Variants in CYP17A1 observed in about 807,000 individuals in gnomAD.
CYP17A1 encodes the protein cytochrome P450 family 17 subfamily A member 1, also known as steroid 17-alpha-hydroxylase/17,20 lyase.
A neutral mutation model predicts 38.5 loss-of-function variants in CYP17A1; 27 were observed. The observed-to-expected ratio is 0.70, with a 90% CI of 0.52 to 0.97. CYP17A1 has a LOEUF of 0.97. Among genes scored for constraint, CYP17A1 ranks in the 50% least tolerant of loss-of-function variants. The pLI is 0.00. For missense variants in CYP17A1, 549 were observed against 645.9 expected (o/e 0.85, Z 1.63); for synonymous variants, 263 against 253.3 (o/e 1.04, Z -0.36).
At position 102,831,614 on chromosome 10, in the gene CYP17A1, G is replaced by T. The variant is rs1844090485; in HGVS notation, c.1140-3C>A. ...TGTCCACAGCAAACTCACCGATGCT[G>T]CTCCAGAGTGGAAGAGGAAAAGTGG... On this transcript the variant is annotated splice_polypyrimidine_tract_variant and splice_region_variant and intron_variant, in intron 6 of 7. Transcript: ENST00000369887. 1.2e-6 allele frequency: 2 copies of T among 1,613,450 alleles called. No homozygotes were observed. Among genetic ancestry groups the T allele is most frequent in the Non-Finnish European group, 1.7e-6 (2 of 1,180,018 alleles).
chr10:102,834,738 A>G lies in CYP17A1; in HGVS notation c.666+47T>C, dbSNP rs1260225639. On this transcript the variant is annotated intron_variant, in intron 3 of 7. Coordinates refer to ENST00000369887, the MANE Select transcript of CYP17A1 (RefSeq NM_000102.4). The stretch of plus-strand genomic sequence containing the variant: ...TAAAAAGGAAGGAAGATTGGGGACA[A>G]TGTCAGGGTCTACTAGAACCTGAAG... The G allele has an allele frequency of 1.9e-6, 3 of 1,613,664 alleles. No homozygotes were observed. In the African/African-American group the frequency reaches 4.0e-5, roughly 22 times the overall value.
At chr10:102,835,760 G>T (rs1010924837) in intron 1 of CYP17A1, among the ~76,000 whole-genome samples, 1 of 152,200 alleles carries the variant, frequency 6.6e-6, no homozygotes, top group African/African-American at 2.4e-5. Flanking sequence ...AACTATGCCT[G>T]TCCAGAGGGT....
intron 3 of CYP17A1, 176 bp from the exon 4 acceptor site, chr10:102,834,298 A>G (rs1844129856): frequency 3.1e-6 from 2 of 635,380 alleles, no homozygotes; most frequent in Non-Finnish European, 5.8e-6. Context: ...TATCATGACG[A>G]CGAAGACAAT....
Position 102,830,794 on chromosome 10 carries a change from T to C in CYP17A1, c.1435A>G (p.Ile479Val). Residue 479 changes from isoleucine to valine, a missense_variant, in exon 8 of 8, where the codon ATC (isoleucine) becomes GTC (valine). Physicochemically the swap from Ile to Val is conservative, Grantham distance 29 (BLOSUM62 3). Coordinates refer to ENST00000369887, the MANE Select transcript of CYP17A1 (RefSeq NM_000102.4). The surrounding 1 kb of genome is among the most constrained non-coding windows in gnomAD (Gnocchi z 4.1). ...DDGQLPSLEG[I>V]PKVVFLIDSF... ...TCGATCAGAAAGACCACCTTGGGGA[T>C]GCCTTCCAGGGAGGGCAGCTGCCCA... The C allele has an allele frequency of 1.9e-6, 3 of 1,595,992 alleles. No individual in the cohort carries two copies. Among genetic ancestry groups the C allele is most frequent in the Non-Finnish European group, 1.7e-6 (2 of 1,166,376 alleles).
chr10:102,831,981 G>C (rs1844096211), intron 6 of CYP17A1, among the ~76,000 whole-genome samples: 1 of 152,194 alleles, frequency 6.6e-6, no homozygotes, highest in Admixed American at 6.5e-5. Context: ...CCTCTGGGAA[G>C]TCAGGCAGAT....
Position 102,832,403 on chromosome 10 carries a change from C to T in CYP17A1, c.1139+108G>A, listed in dbSNP as rs1184163327. ...ATGATTTTTAGTAGTTGATGGTTGA[C>T]TGACTTTAGGTTGGCCAGCAGGGGC... On this transcript the variant is annotated intron_variant, in intron 6 of 7. Transcript: ENST00000369887. The T allele has an allele frequency of 3.8e-6, 3 of 785,876 alleles. No homozygotes were observed. In the East Asian group the frequency reaches 7.3e-5, roughly 19 times the overall value. 48.7% of individuals were successfully genotyped at this position (785,876 alleles called of 1,614,324 possible).
At chr10:102,831,783 T>G in intron 6 of CYP17A1, 172 bp from the exon 7 acceptor site, 1 of 1,214,340 alleles carries the variant, frequency 8.2e-7, no homozygotes, top group Non-Finnish European at 1.2e-6. Flanking sequence ...CCAGCCCTTC[T>G]CCATCCCTTC....
Position 102,837,295 on chromosome 10 carries a change from G to A in CYP17A1, c.67C>T (p.Pro23Ser). 6.2e-7 allele frequency: 1 copy of A among 1,608,922 alleles called. No individual in the cohort carries two copies. The highest frequency in any genetic ancestry group is 1.7e-5 in the Admixed American group (1 of 60,014). Residue 23 changes from proline to serine, a missense_variant, in exon 1 of 8, where the codon CCT becomes TCT. By Grantham distance (74) the Pro-to-Ser change is moderately conservative (BLOSUM62 -1). Coordinates refer to ENST00000369887, the MANE Select transcript of CYP17A1 (RefSeq NM_000102.4). ...AGGCTCTTGGGGTACTTGGCACCAG[G>A]GCACCTTCTCTTGGGCCAAAACAAA... ...AYLFWPKRRC[P>S]GAKYPKSLLS...
In CYP17A1 at chr10:102,835,252, A is replaced by C; in HGVS notation, c.436+2T>G. On this transcript the variant is annotated splice_donor_variant, in intron 2 of 7. Transcript: ENST00000369887. LOFTEE classifies it high-confidence loss of function. ...AGCCCCAGGGGCCAGCCTGGCACTC[A>C]CTGATCTTCTCCAGCTTCTGATCGC... The C allele has an allele frequency of 6.2e-7, 1 of 1,612,846 alleles. No individual in the cohort carries two copies. Among genetic ancestry groups the C allele is most frequent in the East Asian group, 2.2e-5 (1 of 44,880 alleles).
At chr10:102,832,729 G>T (rs781751414) in intron 5 of CYP17A1, 49 bp from the exon 6 acceptor site, 1 of 1,316,910 alleles carries the variant, frequency 7.6e-7, no homozygotes. Context: ...AAGCCCAGGA[G>T]AAGCAAGGGC....
chr10:102,834,323 G>A, intron 3 of CYP17A1: 1 of 602,664 alleles, frequency 1.7e-6, no homozygotes, highest in South Asian at 2.0e-5. Context: ...AACAAGGGAG[G>A]AGGGCGTGGT....
At chr10:102,834,518 G>A in intron 3 of CYP17A1, 1 of 585,992 alleles carries the variant, frequency 1.7e-6, no homozygotes, top group Non-Finnish European at 3.1e-6. Flanking sequence ...AGCGATGAAT[G>A]CGTATAGAAT....
At chr10:102,832,715 G>A in intron 5 of CYP17A1, 35 bp from the exon 6 acceptor site, 1 of 1,437,766 alleles carries the variant, frequency 7.0e-7, no homozygotes, top group East Asian at 2.3e-5. Flanking sequence ...TGACTAGTGT[G>A]TGTAAGCCCA....
intron 6 of CYP17A1, chr10:102,831,819 A>G: frequency 1.2e-6 from 1 of 854,280 alleles, no homozygotes; most frequent in Admixed American, 2.1e-5. Flanking sequence ...TTCTGTCTGA[A>G]CACCTGTGTC....
intron 4 of CYP17A1, chr10:102,833,780 C>T (rs545311316): frequency 4.1e-4 from 171 of 413,218 alleles, no homozygotes; most frequent in African/African-American, 1.1e-3. Context: ...TTAGTACAGA[C>T]GGGGTTTCAC....
Position 102,833,002 on chromosome 10 carries a change from G to C in CYP17A1, c.960C>G (p.His320Gln), listed in dbSNP as rs769674152. The change falls in exon 5 of 8, where the codon CAC becomes CAG. Residue 320 changes from histidine (H) to glutamine (Q), a missense_variant. Physicochemically the swap from His to Gln is conservative, Grantham distance 24. This residue lies in a region of CYP17A1 where 257 missense variants were observed against 307.9 expected (regional missense o/e 0.83). Transcript: ENST00000369887. ...VVKWTLAFLL[H>Q]NPQVKKKLYE... Reference sequence around the variant, plus strand: ...TGAGGGGGAAGCACACCTGAGGATTGTGCAGCAGGAAGGCCAGGGTCCATT... The same window carrying C: ...TGAGGGGGAAGCACACCTGAGGATTCTGCAGCAGGAAGGCCAGGGTCCATT... The C allele has an allele frequency of 6.2e-7, 1 of 1,614,170 alleles. No individual in the cohort carries two copies.
intron 2 of CYP17A1, 80 bp from the exon 3 acceptor site, chr10:102,835,094 A>C (rs1590204012): frequency 8.9e-7 from 1 of 1,118,840 alleles, no homozygotes; most frequent in African/African-American, 1.5e-5. Flanking sequence ...TCTTAACAGG[A>C]GCGGGGGACA....
intron 2 of CYP17A1, 54 bp from the exon 3 acceptor site, chr10:102,835,068 C>T (rs1844141975): frequency 9.9e-6 from 12 of 1,218,196 alleles, no homozygotes; most frequent in Non-Finnish European, 1.4e-5. Context: ...CTTACCCCCT[C>T]TCTGTACCAG....
intron 3 of CYP17A1, 150 bp downstream of exon 3, chr10:102,834,635 G>A: frequency 9.5e-7 from 1 of 1,051,054 alleles, no homozygotes. Context: ...AAATGGCAAA[G>A]GTTTTAAGTG....
Sources: allele counts gnomAD v4.1 joint callset (sites outside exome capture counted in the v4.1 genomes callset), GRCh38; gene constraint gnomAD v4.1.1; regional missense constraint gnomAD v4.1.1; non-coding constraint Gnocchi (gnomAD v3.1); transcripts MANE v1.5; gene names NCBI Gene and HGNC (gene_info 2026-07-23, HGNC 2026-07-21).